The following ZFR2 variants were observed in gnomAD, a reference collection of about 807,000 sequenced individuals.
ZFR2 encodes zinc finger RNA-binding protein 2.
ZFR2 carries 104 observed loss-of-function variants against 105.7 expected under a neutral mutation model. That is an observed-to-expected ratio of 0.98 (90% CI 0.84 to 1.16). ZFR2 has a LOEUF of 1.16. Among genes scored for constraint, ZFR2 ranks in the 50% most tolerant of loss-of-function variants. ZFR2 has a pLI of 0.00. For synonymous variants in ZFR2, 634 were observed against 597.7 expected (o/e 1.06, Z -0.89); for missense variants, 1,425 against 1,355.5 (o/e 1.05, Z -0.80).
chr19:3,809,566 G>A (rs542540746), intron 16 of ZFR2, among the ~76,000 whole-genome samples: 5 of 152,302 alleles, frequency 3.3e-5, no homozygotes, highest in South Asian at 4.1e-4. Flanking sequence ...CTTTCTCCAC[G>A]TCAGGACAGC....
At chr19:3,861,499 A>G (rs1027675542) in intron 1 of ZFR2, among the ~76,000 whole-genome samples, 1 of 151,798 alleles carries the variant, frequency 6.6e-6, no homozygotes, top group Non-Finnish European at 1.5e-5. Context: ...GGTGGTGTTT[A>G]CCTGAAATCC....
intron 6 of ZFR2, among the ~76,000 whole-genome samples, chr19:3,826,729 C>A (rs569882980): frequency 6.6e-6 from 1 of 151,972 alleles, no homozygotes; most frequent in Non-Finnish European, 1.5e-5. Flanking sequence ...TGAGGCACCA[C>A]GCCCGGCCTG....
chr19:3,866,131 G>A (rs112569419), intron 1 of ZFR2, among the ~76,000 whole-genome samples: 2,369 of 152,188 alleles, frequency 0.016, 56 homozygotes, highest in African/African-American at 0.054. Context: ...CTGAGTCACC[G>A]CGCCTGGCCA....
intron 1 of ZFR2, among the ~76,000 whole-genome samples, chr19:3,863,826 GCCGACCACTGGGCC>G (rs1209061846): frequency 6.6e-6 from 1 of 152,088 alleles, no homozygotes; most frequent in Non-Finnish European, 1.5e-5. Context: ...TCCTAGCCGG[GCCGACCACTGGGCC>G]CCCACGTCAG....
At position 3,833,734 on chromosome 19, in the gene ZFR2, C is replaced by A; in HGVS notation, c.309G>T (p.Glu103Asp). The change falls in exon 3 of 19, where the codon GAG becomes GAT. Residue 103 changes from glutamate to aspartate, a missense_variant. Glu to Asp is a conservative substitution (Grantham distance 45). Transcript: ENST00000262961. ...YGQSAAARSY[E>D]DRPYFQSAAL... ...CAGCAGACTGGAAGTACGGCCTGTC[C>A]TCATAGCTCCTGGCAGCTGCTGACT... is the stretch of plus-strand genomic sequence containing the variant. The A allele has an allele frequency of 6.3e-7, 1 of 1,583,182 alleles. No individual in the cohort carries two copies. Among genetic ancestry groups the A allele is most frequent in the East Asian group, 2.3e-5 (1 of 43,376 alleles).
In ZFR2 at chr19:3,806,081, C is replaced by A; in HGVS notation, c.2688G>T (p.Leu896=). 6.6e-7 allele frequency: 1 copy of A among 1,514,580 alleles called. No homozygotes were observed. Among genetic ancestry groups the A allele is most frequent in the Non-Finnish European group, 8.8e-7 (1 of 1,131,308 alleles). The allele number at this position is 1,514,580 out of a possible 1,614,324, so 93.8% of individuals were successfully genotyped here. The change falls in exon 19 of 19, where the codon CTG becomes CTT. Residue 896 remains leucine, a synonymous_variant. Transcript: ENST00000262961. ...GTCTGGGCGGCAGGAGATCCATGCC[C>A]AGGACCTTGTGGGTCTGCCGGAAGG... ...MLAFRQTHKV[L]GMDLLPPRHR...
rs1312434053 is a variant in ZFR2, at chr19:3,848,175, G to C, written c.54-13192C>G. 3.3e-5 allele frequency among the ~76,000 whole-genome samples: 5 copies of C among 152,198 alleles called. No homozygotes were observed. The East Asian group carries it at 9.6e-4, about 29-fold the overall frequency. ...GCCTGTAATCCCAGTACTTTGGGAGGCCGAGGCAGGTGGATCACCTGATGT... is the reference window on the plus strand; with the variant it reads ...GCCTGTAATCCCAGTACTTTGGGAGCCCGAGGCAGGTGGATCACCTGATGT... On this transcript the variant is annotated intron_variant, in intron 1 of 18. Coordinates refer to ENST00000262961, the MANE Select transcript of ZFR2 (RefSeq NM_015174.2).
intron 1 of ZFR2, chr19:3,855,690 G>A (rs2038290251): frequency 5.4e-6 from 2 of 370,286 alleles, no homozygotes; most frequent in Non-Finnish European, 9.6e-6. Flanking sequence ...GGCTGGTCAT[G>A]GCGGGCCTGG....
chr19:3,848,347 G>A (rs936637502), intron 1 of ZFR2, among the ~76,000 whole-genome samples: 2 of 151,924 alleles, frequency 1.3e-5, no homozygotes, highest in South Asian at 2.1e-4. Flanking sequence ...GGGAGGTGGA[G>A]GTTGCAGTGA....
At position 3,860,223 on chromosome 19, in the gene ZFR2, T is replaced by TG. The variant is rs560705937; in HGVS notation, c.53+8741dup. ...TTTTTTTTTTTTTTTTTTTCAGAGA[T>TG]GGGGGGGGTCTCACTATGTTGCTCA... is the stretch of plus-strand genomic sequence containing the variant. On this transcript the variant is annotated intron_variant, in intron 1 of 18. Transcript: ENST00000262961. Among the ~76,000 whole-genome samples the TG allele has an allele frequency of 9.1e-3, 1,286 of 141,160 alleles. 15 individuals carry two copies. The highest frequency in any genetic ancestry group is 0.028 in the African/African-American group (1,071 of 37,684). The allele number at this position is 141,160 out of a possible 152,430, so 92.6% of individuals were successfully genotyped here. A position where few individuals can be genotyped will look rare whatever the true frequency, so the allele number is the denominator to read the frequency against.
At chr19:3,817,299 CTGT>C in intron 12 of ZFR2, among the ~76,000 whole-genome samples, 1 of 152,140 alleles carries the variant, frequency 6.6e-6, no homozygotes, top group South Asian at 2.1e-4. Context: ...TGGCTCACGC[CTGT>C]AATCCCAGCA....
intron 1 of ZFR2, among the ~76,000 whole-genome samples, chr19:3,835,978 C>A (rs893010549): frequency 1.3e-5 from 2 of 151,938 alleles, no homozygotes; most frequent in Non-Finnish European, 2.9e-5. Flanking sequence ...AAAAACAGTA[C>A]AGCTGTCCCT....
chr19:3,852,118 T>C, intron 1 of ZFR2: 1 of 352,614 alleles, frequency 2.8e-6, no homozygotes, highest in South Asian at 2.6e-5. Context: ...GTGGCTCTTC[T>C]GGCCAAGGCG....
intron 1 of ZFR2, among the ~76,000 whole-genome samples, chr19:3,861,434 C>G (rs1252699707): frequency 6.6e-6 from 1 of 151,368 alleles, no homozygotes; most frequent in East Asian, 1.9e-4. Flanking sequence ...TGAGACCAGC[C>G]TGGCCGATGG....
intron 12 of ZFR2, among the ~76,000 whole-genome samples, chr19:3,817,870 C>T (rs2037843296): frequency 2.0e-5 from 3 of 152,094 alleles, no homozygotes; most frequent in African/African-American, 7.2e-5. Context: ...GAGCTCTGTG[C>T]TCCAGCAAAA....
At chr19:3,822,600 CA>C (rs2037907875) in intron 8 of ZFR2, among the ~76,000 whole-genome samples, 1 of 151,944 alleles carries the variant, frequency 6.6e-6, no homozygotes, top group South Asian at 2.1e-4. Flanking sequence ...CCTGTAGTCC[CA>C]GCTACTCAGG....
chr19:3,861,717 G>A (rs1391979072), intron 1 of ZFR2, among the ~76,000 whole-genome samples: 1 of 152,276 alleles, frequency 6.6e-6, no homozygotes, highest in Non-Finnish European at 1.5e-5. Context: ...CCTGAGATCA[G>A]GGGTTTGAGA....
At chr19:3,810,966 G>T in intron 15 of ZFR2, 121 bp from the exon 16 acceptor site, 1 of 1,127,178 alleles carries the variant, frequency 8.9e-7, no homozygotes, top group Non-Finnish European at 1.3e-6. Context: ...GGGCCTCGAA[G>T]GTGGCGGGTG....
Position 3,820,271 on chromosome 19 carries a change from G to T in ZFR2, c.1651C>A (p.Pro551Thr). 6.5e-7 allele frequency: 1 copy of T among 1,546,372 alleles called. No homozygotes were observed. ...GGCGCGTGGGGCGGCACGTCCTGGG[G>T]TGGCTCCTCCTCCAGCCGCCTGCAG... ...AERRRLEEEP[P>T]QDVPPHAPPD... The change falls in exon 11 of 19, where the codon CCC becomes ACC. Residue 551 changes from proline (P) to threonine (T), a missense_variant. Coordinates refer to ENST00000262961, the MANE Select transcript of ZFR2 (RefSeq NM_015174.2).
Sources: gnomAD v4.1 joint callset for allele counts (sites outside exome capture counted in the v4.1 genomes callset) on GRCh38, gnomAD v4.1.1 for gene constraint, MANE v1.5 for transcripts, NCBI Gene and HGNC (gene_info 2026-07-23, HGNC 2026-07-21) for gene names.